ABCC1: variants seen among roughly 807,000 people sequenced by gnomAD.
The protein encoded by ABCC1 is multidrug resistance-associated protein 1.
A neutral mutation model predicts 172.9 loss-of-function variants in ABCC1; 83 were observed. The ratio of observed to expected loss-of-function variants is 0.48; its 90% CI spans 0.40 to 0.58. The LOEUF (loss-of-function observed/expected upper bound fraction) is 0.58. ABCC1 is among the 20% of genes least tolerant of loss of function. The probability of loss-of-function intolerance (pLI) is 0.00; values close to 1 mark genes in which losing one functional copy is unlikely to be tolerated. For missense variants in ABCC1, 1,817 were observed against 2,002.7 expected, an observed-to-expected ratio of 0.91 and a Z score of 1.77; for synonymous variants, 937 against 825.2, an observed-to-expected ratio of 1.14 and a Z score of -2.32.
intron 5 of ABCC1, among the ~76,000 whole-genome samples, chr16:16,022,974 T>C (rs141863659): frequency 2.7e-4 from 41 of 152,298 alleles, no homozygotes; most frequent in African/African-American, 7.9e-4. Context: ...TGCAGTGGTG[T>C]GATCATAGCT....
chr16:16,086,751 C>T, intron 17 of ABCC1, 73 bp from the exon 18 acceptor site: 1 of 1,554,478 alleles, frequency 6.4e-7, no homozygotes, highest in Non-Finnish European at 8.7e-7. Context: ...TCACACCACA[C>T]TCGGCCTGCT....
intron 30 of ABCC1, among the ~76,000 whole-genome samples, chr16:16,140,120 AGC>A (rs1238841968): frequency 1.3e-5 from 2 of 152,230 alleles, no homozygotes; most frequent in African/African-American, 4.8e-5. Flanking sequence ...CAGCCGGTAC[AGC>A]CGAATGTAAA....
chr16:16,055,706 C>G (rs2049620841), intron 11 of ABCC1, among the ~76,000 whole-genome samples: 1 of 151,826 alleles, frequency 6.6e-6, no homozygotes, highest in Admixed American at 6.6e-5. Context: ...GAGTATGTTT[C>G]TCCAATGTCT....
intron 1 of ABCC1, 79 bp downstream of exon 1, chr16:15,949,878 C>T: frequency 8.9e-7 from 1 of 1,119,910 alleles, no homozygotes; most frequent in Non-Finnish European, 1.1e-6. Flanking sequence ...CCGCAGCCGC[C>T]CGGGGCACCC....
At chr16:16,106,988 A>G in intron 21 of ABCC1, 115 bp downstream of exon 21, 1 of 1,383,582 alleles carries the variant, frequency 7.2e-7, no homozygotes, top group Non-Finnish European at 9.9e-7. Context: ...ATCACAACAC[A>G]CCTGTGAAGA....
At chr16:16,079,156 G>T (rs983113702) in intron 15 of ABCC1, among the ~76,000 whole-genome samples, 196 bp from the exon 16 acceptor site, 2 of 152,162 alleles carry the variant, frequency 1.3e-5, no homozygotes, top group African/African-American at 4.8e-5. Context: ...CCACCTGGAG[G>T]CCCCCTGAGA....
chr16:15,995,010 A>G (rs572430172), intron 1 of ABCC1, among the ~76,000 whole-genome samples: 1 of 151,706 alleles, frequency 6.6e-6, no homozygotes, highest in South Asian at 2.1e-4. Context: ...AGGCGTCTGT[A>G]ATCCCAGGTA....
At position 16,002,448 on chromosome 16, in the gene ABCC1, A is replaced by G. The variant is rs145073998; in HGVS notation, c.49-5368A>G. On this transcript the variant is annotated intron_variant, in intron 1 of 30. Transcript: ENST00000399410. ...ACCTCTTTGTTCAAAAGAAATATCAAGAATAAAACACATCTATGTTACTGA... is the reference window on the plus strand; with the variant it reads ...ACCTCTTTGTTCAAAAGAAATATCAGGAATAAAACACATCTATGTTACTGA... Among the ~76,000 whole-genome samples, 405 of 152,322 alleles carry G rather than the reference A, an allele frequency of 2.7e-3. 1 individual carries two copies. The highest frequency in any genetic ancestry group is 8.9e-3 in the African/African-American group (369 of 41,584).
intron 1 of ABCC1, among the ~76,000 whole-genome samples, chr16:15,998,319 G>A (rs941653896): frequency 6.6e-6 from 1 of 151,932 alleles, no homozygotes; most frequent in Non-Finnish European, 1.5e-5. Context: ...TGAAGACAGG[G>A]TCTTACTTTG....
intron 30 of ABCC1, 63 bp from the exon 31 acceptor site, chr16:16,141,110 T>C (rs2046109876): frequency 6.8e-7 from 1 of 1,475,260 alleles, no homozygotes; most frequent in East Asian, 2.3e-5. Context: ...AGGTCAGTTG[T>C]CCCAGGGGCA....
chr16:16,006,358 CAG>C lies in ABCC1; in HGVS notation c.49-1457_49-1456del, dbSNP rs2047530415. On this transcript the variant is annotated intron_variant, in intron 1 of 30. Coordinates refer to ENST00000399410, the MANE Select transcript of ABCC1 (RefSeq NM_004996.4). The stretch of plus-strand genomic sequence containing the variant: ...TGCTTGAGCCCAAAAGTTCAAGGCA[CAG>C]GAAGCTGTGATCTTACCACCACACT... 2.0e-5 allele frequency among the ~76,000 whole-genome samples: 3 copies of C among 151,466 alleles called. No homozygotes were observed. The South Asian group carries it at 6.3e-4, about 32-fold the overall frequency.
At chr16:16,040,459 G>A (rs183657391) in intron 7 of ABCC1, among the ~76,000 whole-genome samples, 7 of 151,734 alleles carry the variant, frequency 4.6e-5, no homozygotes, top group Admixed American at 2.0e-4. Context: ...GGCTAATTGT[G>A]TATTTTTAGT....
At chr16:16,125,384 AC>A (rs746503406) in intron 25 of ABCC1, among the ~76,000 whole-genome samples, 124 of 152,140 alleles carry the variant, frequency 8.2e-4, no homozygotes, top group Non-Finnish European at 2.5e-4. Flanking sequence ...TAATTTCGGT[AC>A]CTTTCTTACC....
chr16:16,110,332 C>A (rs958870517), intron 21 of ABCC1, among the ~76,000 whole-genome samples: 2 of 152,152 alleles, frequency 1.3e-5, no homozygotes, highest in Non-Finnish European at 2.9e-5. Context: ...GATCCACTTG[C>A]CGCAGCCCCT....
chr16:16,009,690 T>C (rs2047695575), intron 2 of ABCC1, 86 bp from the exon 3 acceptor site: 1 of 1,389,004 alleles, frequency 7.2e-7, no homozygotes, highest in East Asian at 2.6e-5. Flanking sequence ...CTGGTTCTCC[T>C]ATCCCTGGGG....
At chr16:16,056,544 CT>C (rs2049663051) in intron 12 of ABCC1, 2 of 524,606 alleles carry the variant, frequency 3.8e-6, no homozygotes, top group East Asian at 6.9e-5. Context: ...TGGCGCATGC[CT>C]GTAGTCCCAG....
chr16:16,037,227 G>T (rs1281560550), intron 7 of ABCC1, among the ~76,000 whole-genome samples: 1 of 152,206 alleles, frequency 6.6e-6, no homozygotes, highest in Non-Finnish European at 1.5e-5. Context: ...CTGGCATCCT[G>T]CATGTTCTTG....
At chr16:16,103,351 G>A (rs921039033) in intron 20 of ABCC1, among the ~76,000 whole-genome samples, 33 of 151,978 alleles carry the variant, frequency 2.2e-4, no homozygotes, top group African/African-American at 5.3e-4. Flanking sequence ...AGGCTGAGGC[G>A]GGCGGATCAC....
At chr16:16,108,853 A>G (rs1007730021) in intron 21 of ABCC1, among the ~76,000 whole-genome samples, 1 of 151,324 alleles carries the variant, frequency 6.6e-6, no homozygotes, top group Non-Finnish European at 1.5e-5. Context: ...CCGCCTCCCA[A>G]AGTACTGGGA....
Sources: gnomAD v4.1 joint callset for allele counts (sites outside exome capture counted in the v4.1 genomes callset) on GRCh38, gnomAD v4.1.1 for gene constraint, MANE v1.5 for transcripts, NCBI Gene and HGNC (gene_info 2026-07-23, HGNC 2026-07-21) for gene names.